PRRG4: variants seen among roughly 807,000 people sequenced by gnomAD.
PRRG4 encodes the protein transmembrane gamma-carboxyglutamic acid protein 4.
A neutral mutation model predicts 20.0 loss-of-function variants in PRRG4; 12 were observed. That is an observed-to-expected ratio of 0.60 (90% CI 0.38 to 0.97). The LOEUF is 0.97. Among genes scored for constraint, PRRG4 ranks in the 50% least tolerant of loss-of-function variants. The pLI is 0.00. For synonymous variants in PRRG4, 94 were observed against 96.4 expected (o/e 0.98, Z 0.15); for missense variants, 199 against 265.1 (o/e 0.75, Z 1.73).
chr11:32,832,479 C>CTTTTTCTTTTT (rs761893280), intron 2 of PRRG4, among the ~76,000 whole-genome samples: 1 of 121,268 alleles, frequency 8.2e-6, no homozygotes, highest in African/African-American at 3.1e-5. Context: ...TGGTGAAATT[C>CTTTTTCTTTTT]TTTTTTTTTT....
At chr11:32,841,228 G>A (rs1345487605) in intron 5 of PRRG4, among the ~76,000 whole-genome samples, 1 of 151,892 alleles carries the variant, frequency 6.6e-6, no homozygotes, top group African/African-American at 2.4e-5. Context: ...CAGCAAAATG[G>A]GCAGTGTTTT....
intron 5 of PRRG4, among the ~76,000 whole-genome samples, chr11:32,849,792 A>G (rs1003881930): frequency 1.3e-5 from 2 of 152,256 alleles, no homozygotes; most frequent in Non-Finnish European, 2.9e-5. Flanking sequence ...GAAGAGGAAC[A>G]TAAATGGTCA....
At chr11:32,833,424 T>C (rs1850992331) in intron 2 of PRRG4, among the ~76,000 whole-genome samples, 1 of 152,222 alleles carries the variant, frequency 6.6e-6, no homozygotes, top group Admixed American at 6.5e-5. Context: ...CTCAACCTAC[T>C]GGAACAGAAG....
intron 5 of PRRG4, among the ~76,000 whole-genome samples, chr11:32,851,638 A>G (rs2133451679): frequency 6.6e-6 from 1 of 152,346 alleles, no homozygotes; most frequent in South Asian, 2.1e-4. Flanking sequence ...TGGTGCTCTA[A>G]GAGACATATT....
intron 5 of PRRG4, among the ~76,000 whole-genome samples, chr11:32,846,813 C>T (rs1222873037): frequency 6.6e-6 from 1 of 152,116 alleles, no homozygotes; most frequent in Non-Finnish European, 1.5e-5. Context: ...TCCTGGCCAA[C>T]ACGGTGAAAC....
At chr11:32,853,045 C>A (rs1226612720) in intron 5 of PRRG4, among the ~76,000 whole-genome samples, 1 of 151,362 alleles carries the variant, frequency 6.6e-6, no homozygotes, top group African/African-American at 2.4e-5. Flanking sequence ...GCCTCAGCCT[C>A]CCAAAGTGCT....
rs765130727 is a variant in PRRG4, at chr11:32,840,218, G to A, written c.428G>A (p.Cys143Tyr). 3.1e-5 allele frequency: 49 copies of A among 1,597,220 alleles called. No homozygotes were observed. The highest frequency in any genetic ancestry group is 3.8e-5 in the Non-Finnish European group (44 of 1,167,210). The change falls in exon 5 of 6, where the codon TGT (cysteine) becomes TAT (tyrosine). Residue 143 changes from cysteine to tyrosine, a missense_variant. Coordinates refer to ENST00000257836, the MANE Select transcript of PRRG4 (RefSeq NM_024081.6). The surrounding 1 kb of genome is among the most constrained non-coding windows in gnomAD (Gnocchi z 4.1). ...LLGYYLCITKCNRLQHPCSSA... is the reference protein window; with the variant it reads ...LLGYYLCITKYNRLQHPCSSA... ...GGCTACTATCTTTGTATCACTAAGTGTAATAGGCTACAACATCCATGGTAA... is the reference window on the plus strand; with the variant it reads ...GGCTACTATCTTTGTATCACTAAGTATAATAGGCTACAACATCCATGGTAA...
At chr11:32,830,939 G>C (rs1850964998) in intron 2 of PRRG4, among the ~76,000 whole-genome samples, 1 of 152,138 alleles carries the variant, frequency 6.6e-6, no homozygotes, top group South Asian at 2.1e-4. Flanking sequence ...AAGCTGTGTG[G>C]CGATTATAAT....
chr11:32,841,650 A>G (rs1256772519), intron 5 of PRRG4, among the ~76,000 whole-genome samples: 1 of 152,092 alleles, frequency 6.6e-6, no homozygotes, highest in Non-Finnish European at 1.5e-5. Flanking sequence ...CTATAAAAAA[A>G]AATTCAAAAA....
intron 1 of PRRG4, 94 bp downstream of exon 1, chr11:32,830,267 G>T: frequency 1.0e-6 from 1 of 1,004,462 alleles, no homozygotes; most frequent in South Asian, 4.0e-5. Context: ...CATAGCGAGG[G>T]TTGCCCGCGG....
chr11:32,835,201 T>C (rs1004718876), intron 2 of PRRG4, among the ~76,000 whole-genome samples: 8 of 152,238 alleles, frequency 5.3e-5, no homozygotes, highest in Non-Finnish European at 1.0e-4. Flanking sequence ...TTTGGAAAGA[T>C]AATTCATTTG....
chr11:32,839,990 T>A, intron 4 of PRRG4, 117 bp from the exon 5 acceptor site: 1 of 620,326 alleles, frequency 1.6e-6, no homozygotes, highest in Non-Finnish European at 2.5e-6. Flanking sequence ...TTGAAAGAAG[T>A]CAACATCAAT....
intron 2 of PRRG4, among the ~76,000 whole-genome samples, chr11:32,831,600 T>C (rs1362335575): frequency 6.6e-6 from 1 of 152,224 alleles, no homozygotes; most frequent in African/African-American, 2.4e-5. Flanking sequence ...AGGATCCTTT[T>C]TAGTCCCTCT....
chr11:32,832,706 C>T (rs1850985330), intron 2 of PRRG4, among the ~76,000 whole-genome samples: 1 of 152,138 alleles, frequency 6.6e-6, no homozygotes, highest in South Asian at 2.1e-4. Flanking sequence ...TGGTCTTGAA[C>T]TCCTGACCTC....
chr11:32,831,965 G>A (rs750260995), intron 2 of PRRG4, among the ~76,000 whole-genome samples: 3 of 151,928 alleles, frequency 2.0e-5, no homozygotes, highest in African/African-American at 4.8e-5. Context: ...CTCCAGCCTG[G>A]GCGACAGAGT....
chr11:32,850,027 T>C (rs1851167679), intron 5 of PRRG4, among the ~76,000 whole-genome samples: 1 of 152,248 alleles, frequency 6.6e-6, no homozygotes, highest in African/African-American at 2.4e-5. Context: ...TCAGTGTGAC[T>C]TTCTCCACAA....
rs746219447 is a variant in PRRG4 at position 32,853,471 on chromosome 11, G to A, written c.625G>A (p.Gly209Arg). The change falls in exon 6 of 6, where the codon GGG becomes AGG. Residue 209 changes from glycine (G) to arginine (R), a missense_variant. Coordinates refer to ENST00000257836, the MANE Select transcript of PRRG4 (RefSeq NM_024081.6). ...HSVSPPPPYP[G>R]HTKGFRVFKK... ...TGTTTCACCACCACCACCATATCCT[G>A]GGCACACAAAAGGATTTAGGGTATT... 1 of 1,614,032 alleles carries A rather than the reference G, an allele frequency of 6.2e-7. No homozygotes were observed.
chr11:32,843,956 T>C (rs1183530300), intron 5 of PRRG4, among the ~76,000 whole-genome samples: 1 of 152,200 alleles, frequency 6.6e-6, no homozygotes, highest in Non-Finnish European at 1.5e-5. Context: ...TTCAAAATGT[T>C]TTATTACAGC....
rs372321215 is a variant in PRRG4, at chr11:32,857,152, CTTT to C, written c.*3639_*3641del. On this transcript the variant is annotated 3_prime_UTR_variant, in exon 6 of 6. Coordinates refer to ENST00000257836, the MANE Select transcript of PRRG4 (RefSeq NM_024081.6). ...GGACTGCTGTGTCAAAGTTTTGCAT[CTTT>C]TTTTTTTTTTTTTCCAGAAGGAGTC... 7 of 132,220 alleles carry C rather than the reference CTTT, an allele frequency of 5.3e-5. No homozygotes were observed. The highest frequency in any genetic ancestry group is 9.6e-5 in the Non-Finnish European group (6 of 62,636). 8.2% of individuals were successfully genotyped at this position (132,220 alleles called of 1,614,324 possible).
Sources: allele counts gnomAD v4.1 joint callset (sites outside exome capture counted in the v4.1 genomes callset), GRCh38; gene constraint gnomAD v4.1.1; non-coding constraint Gnocchi (gnomAD v3.1); transcripts MANE v1.5; gene names NCBI Gene and HGNC (gene_info 2026-07-23, HGNC 2026-07-21).